The following PRR11 variants were observed in gnomAD, a reference collection of about 807,000 sequenced individuals.
PRR11 encodes proline rich 11.
PRR11 carries 30 observed loss-of-function variants against 45.6 expected under a neutral mutation model. The observed-to-expected ratio is 0.66, with a 90% CI of 0.49 to 0.89. The LOEUF is 0.89. Among genes scored for constraint, PRR11 ranks in the 40% least tolerant of loss-of-function variants. PRR11 has a pLI of 0.00. For synonymous variants in PRR11, 128 were observed against 153.5 expected, an observed-to-expected ratio of 0.83 and a Z score of 1.23; for missense variants, 373 against 424.8, an observed-to-expected ratio of 0.88 and a Z score of 1.07.
At chr17:59,177,289 T>A in intron 2 of PRR11, 3 of 544,286 alleles carry the variant, frequency 5.5e-6, no homozygotes, top group South Asian at 4.1e-5. Context: ...AAGGGAGAGG[T>A]CACATCTTGG....
In PRR11 at chr17:59,169,852, C is replaced by T; in HGVS notation, c.100C>T (p.Pro34Ser). The part of the protein sequence containing the change: ...ASHFQSKLIT[P>S]PPPPPSPERV... ...TCACTTTCAGTCCAAGCTAATTACA[C>T]CTCCTCCTCCACCACCCTCACCAGA... The change falls in exon 2 of 10, where the codon CCT becomes TCT. Residue 34 changes from proline (P) to serine (S), a missense_variant. Coordinates refer to ENST00000262293, the MANE Select transcript of PRR11 (RefSeq NM_018304.4). The T allele has an allele frequency of 6.2e-7, 1 of 1,609,514 alleles. No individual in the cohort carries two copies. Among genetic ancestry groups the T allele is most frequent in the Non-Finnish European group, 8.5e-7 (1 of 1,178,204 alleles).
At chr17:59,168,762 A>C (rs1159480882) in intron 1 of PRR11, among the ~76,000 whole-genome samples, 1 of 152,220 alleles carries the variant, frequency 6.6e-6, no homozygotes, top group African/African-American at 2.4e-5. Context: ...TTCATTTTAC[A>C]GTGTATTGCC....
rs1000592559 is a variant in PRR11, at chr17:59,201,989, A to C, written c.*358A>C. 5 of 229,860 alleles carry C rather than the reference A, an allele frequency of 2.2e-5. No homozygotes were observed. Among genetic ancestry groups the C allele is most frequent in the South Asian group, 7.3e-5 (1 of 13,658 alleles). 14.2% of individuals were successfully genotyped at this position (229,860 alleles called of 1,614,324 possible). Reference sequence around the variant, plus strand: ...AAAAACAAACAAACAAACAAAAAAAACCCACCCAAATCCTTTTTTTTAATG... The same window carrying C: ...AAAAACAAACAAACAAACAAAAAAACCCCACCCAAATCCTTTTTTTTAATG... On this transcript the variant is annotated 3_prime_UTR_variant, in exon 10 of 10. Transcript: ENST00000262293.
chr17:59,187,296 G>A (rs919245334), intron 4 of PRR11, among the ~76,000 whole-genome samples: 1 of 152,142 alleles, frequency 6.6e-6, no homozygotes. Context: ...ATCAGGGGCT[G>A]GGCGCGGTGG....
At chr17:59,180,997 T>C (rs1456630069) in intron 2 of PRR11, among the ~76,000 whole-genome samples, 5 of 151,420 alleles carry the variant, frequency 3.3e-5, no homozygotes, top group Non-Finnish European at 1.5e-5. Flanking sequence ...TTGTTGTTTT[T>C]TTGTTTTTTT....
At chr17:59,198,159 C>T (rs2046875796) in intron 9 of PRR11, among the ~76,000 whole-genome samples, 1 of 152,170 alleles carries the variant, frequency 6.6e-6, no homozygotes, top group East Asian at 1.9e-4. Flanking sequence ...TTTAAAGCAG[C>T]TTTCTTAGTA....
chr17:59,187,857 T>A, intron 4 of PRR11, among the ~76,000 whole-genome samples: 2 of 141,296 alleles, frequency 1.4e-5, no homozygotes, highest in South Asian at 2.2e-4. Context: ...AGAATGAGAC[T>A]CCATTAAAAA....
chr17:59,171,228 G>A (rs900679780), intron 2 of PRR11, among the ~76,000 whole-genome samples: 4 of 151,776 alleles, frequency 2.6e-5, no homozygotes, highest in Admixed American at 6.6e-5. Context: ...GTGCCACTGC[G>A]CTCCAGCCTG....
At chr17:59,178,774 C>T (rs2046763722) in intron 2 of PRR11, among the ~76,000 whole-genome samples, 1 of 152,036 alleles carries the variant, frequency 6.6e-6, no homozygotes, top group Admixed American at 6.6e-5. Context: ...GTAGAGCTGG[C>T]AAAAAGCCAG....
intron 2 of PRR11, 107 bp from the exon 3 acceptor site, chr17:59,184,947 T>A: frequency 1.3e-6 from 1 of 797,798 alleles, no homozygotes; most frequent in Non-Finnish European, 1.7e-6. Flanking sequence ...TCTCCTCACC[T>A]CAGCCTCCCA....
chr17:59,172,590 C>T (rs567697579), intron 2 of PRR11, among the ~76,000 whole-genome samples: 6 of 152,340 alleles, frequency 3.9e-5, no homozygotes, highest in South Asian at 2.1e-4. Context: ...TCTGGGTGGG[C>T]GTGGTTTGGC....
At chr17:59,181,239 C>T (rs1482579445) in intron 2 of PRR11, among the ~76,000 whole-genome samples, 3 of 151,620 alleles carry the variant, frequency 2.0e-5, no homozygotes, top group African/African-American at 7.3e-5. Flanking sequence ...CCGCCCGCCT[C>T]GGCCTCCGAA....
intron 2 of PRR11, among the ~76,000 whole-genome samples, chr17:59,178,924 A>G (rs1488079259): frequency 6.6e-6 from 1 of 152,174 alleles, no homozygotes; most frequent in African/African-American, 2.4e-5. Context: ...AGGTTTAGAA[A>G]AGTCAGCAAG....
chr17:59,174,708 C>G (rs190417393), intron 2 of PRR11, among the ~76,000 whole-genome samples: 1 of 152,174 alleles, frequency 6.6e-6, no homozygotes, highest in Non-Finnish European at 1.5e-5. Context: ...AATATTCTGC[C>G]TTTACCCCAG....
In PRR11 at chr17:59,158,608, T is replaced by C. The variant is rs1397618973; in HGVS notation, c.-6+2803T>C. ...TGTGTACAAAGACGGCAATTGACAA[T>C]TGGTAAATCTAGGTGAACTGTATAT... is the stretch of plus-strand genomic sequence containing the variant. On this transcript the variant is annotated intron_variant, in intron 1 of 9. Coordinates refer to ENST00000262293, the MANE Select transcript of PRR11 (RefSeq NM_018304.4). Among the ~76,000 whole-genome samples the C allele has an allele frequency of 2.6e-5, 4 of 152,306 alleles. No individual in the cohort carries two copies. In the East Asian group the frequency reaches 5.8e-4, roughly 22 times the overall value.
At chr17:59,200,160 T>A (rs565549436) in intron 9 of PRR11, among the ~76,000 whole-genome samples, 1 of 152,306 alleles carries the variant, frequency 6.6e-6, no homozygotes, top group South Asian at 2.1e-4. Flanking sequence ...AGGAGGAGGA[T>A]GTCTAGTTAA....
At chr17:59,169,093 C>CTTTT (rs780548478) in intron 1 of PRR11, among the ~76,000 whole-genome samples, 94 of 106,680 alleles carry the variant, frequency 8.8e-4, no homozygotes, top group African/African-American at 1.9e-3. Context: ...GAAACATATT[C>CTTTT]TTTTTTTTTT....
At chr17:59,163,155 A>G (rs1049732048) in intron 1 of PRR11, among the ~76,000 whole-genome samples, 2 of 151,798 alleles carry the variant, frequency 1.3e-5, no homozygotes, top group South Asian at 4.2e-4. Flanking sequence ...CAGTGGCACA[A>G]TCTCGGCTCA....
chr17:59,173,369 G>A (rs554475837), intron 2 of PRR11, among the ~76,000 whole-genome samples: 1 of 152,308 alleles, frequency 6.6e-6, no homozygotes, highest in Non-Finnish European at 1.5e-5. Flanking sequence ...GCTGTGGAAG[G>A]TTTGTTCTTT....
Sources: allele counts gnomAD v4.1 joint callset (sites outside exome capture counted in the v4.1 genomes callset), GRCh38; gene constraint gnomAD v4.1.1; transcripts MANE v1.5; gene names NCBI Gene and HGNC (gene_info 2026-07-23, HGNC 2026-07-21).